ZNF804B: variants seen among roughly 807,000 people sequenced by gnomAD.
ZNF804B encodes zinc finger 804B.
ZNF804B carries 80 observed loss-of-function variants against 101.4 expected under a neutral mutation model. The observed-to-expected ratio is 0.79, with a 90% CI of 0.66 to 0.95. The LOEUF is 0.95. Among genes scored for constraint, ZNF804B ranks in the 40% least tolerant of loss-of-function variants. The pLI is 0.00. For synonymous variants in ZNF804B, 622 were observed against 558.8 expected (o/e 1.11, Z -1.59); for missense variants, 1,673 against 1,561.9 (o/e 1.07, Z -1.20).
intron 1 of ZNF804B, among the ~76,000 whole-genome samples, chr7:88,782,098 A>AGTGTGTGTGT (rs879516206): frequency 1.5e-5 from 2 of 132,104 alleles, no homozygotes; most frequent in Admixed American, 1.6e-4. Context: ...CTTTTGTGTG[A>AGTGTGTGTGT]GTGCGTGTGT....
intron 2 of ZNF804B, among the ~76,000 whole-genome samples, chr7:89,297,547 C>T (rs1258503204): frequency 6.6e-6 from 1 of 151,848 alleles, no homozygotes. Flanking sequence ...AGAGTTGAGG[C>T]CCAAATTAAA....
At chr7:89,038,353 A>G (rs911434936) in intron 1 of ZNF804B, among the ~76,000 whole-genome samples, 3 of 152,190 alleles carry the variant, frequency 2.0e-5, no homozygotes, top group Admixed American at 1.3e-4. Context: ...GATAAAAAAC[A>G]TCAAAACGAG....
At chr7:89,188,507 G>C (rs1788407945) in intron 1 of ZNF804B, among the ~76,000 whole-genome samples, 1 of 152,070 alleles carries the variant, frequency 6.6e-6, no homozygotes, top group South Asian at 2.1e-4. Context: ...CAAAGCAAAA[G>C]CTAGAAATTA....
At chr7:88,936,304 T>A (rs920282727) in intron 1 of ZNF804B, among the ~76,000 whole-genome samples, 3 of 152,068 alleles carry the variant, frequency 2.0e-5, no homozygotes, top group African/African-American at 7.2e-5. Context: ...GGGAAGTTTA[T>A]GTAGAGGAAC....
At chr7:88,835,927 T>C (rs1791209798) in intron 1 of ZNF804B, among the ~76,000 whole-genome samples, 1 of 151,958 alleles carries the variant, frequency 6.6e-6, no homozygotes, top group Non-Finnish European at 1.5e-5. Flanking sequence ...AGCTAGTCTA[T>C]GGGAAAGAGT....
intron 2 of ZNF804B, among the ~76,000 whole-genome samples, chr7:89,294,881 T>C (rs1790356401): frequency 1.3e-5 from 2 of 152,160 alleles, no homozygotes; most frequent in South Asian, 4.1e-4. Flanking sequence ...TCATTACTTA[T>C]TTTGGTTTTT....
chr7:88,843,887 G>A lies in ZNF804B; in HGVS notation c.108+83803G>A, dbSNP rs755312614. On this transcript the variant is annotated intron_variant, in intron 1 of 3. Transcript: ENST00000333190. ...AAGATCCCTATTGATGCCGTTCATC[G>A]ATCTAGAAAAAAATAAACTCTTTTA... Among the ~76,000 whole-genome samples, 7 of 151,754 alleles carry A rather than the reference G, an allele frequency of 4.6e-5. No individual in the cohort carries two copies. The East Asian group carries it at 7.7e-4, about 17-fold the overall frequency.
intron 1 of ZNF804B, among the ~76,000 whole-genome samples, chr7:89,087,340 A>T (rs1789819982): frequency 2.7e-5 from 2 of 75,220 alleles, no homozygotes; most frequent in African/African-American, 1.2e-4. Context: ...TCTGATTATA[A>T]AAAAAAAGGG....
chr7:88,991,013 G>T (rs1793836888), intron 1 of ZNF804B, among the ~76,000 whole-genome samples: 1 of 152,092 alleles, frequency 6.6e-6, no homozygotes, highest in South Asian at 2.1e-4. Context: ...TTTTGCATCA[G>T]TATCACCAGT....
chr7:89,299,825 C>T (rs1014065105), intron 2 of ZNF804B, among the ~76,000 whole-genome samples: 1 of 151,904 alleles, frequency 6.6e-6, no homozygotes, highest in Non-Finnish European at 1.5e-5. Flanking sequence ...TATATTAGGA[C>T]CTTCTTATTC....
chr7:88,817,369 TTAAAGTA>T (rs1790900524), intron 1 of ZNF804B, among the ~76,000 whole-genome samples: 1 of 152,022 alleles, frequency 6.6e-6, no homozygotes, highest in African/African-American at 2.4e-5. Flanking sequence ...ACGCTAGAAC[TTAAAGTA>T]TAATAAAAAA....
intron 1 of ZNF804B, among the ~76,000 whole-genome samples, chr7:88,889,746 A>T (rs552672320): frequency 1.3e-5 from 2 of 152,234 alleles, no homozygotes; most frequent in South Asian, 2.1e-4. Context: ...CTCAGTTGAT[A>T]GTTTCTTTTG....
intron 2 of ZNF804B, among the ~76,000 whole-genome samples, chr7:89,256,845 C>A (rs1288009705): frequency 6.6e-6 from 1 of 152,114 alleles, no homozygotes; most frequent in South Asian, 2.1e-4. Context: ...CAACAGAGGC[C>A]TTTATGGCAC....
At chr7:88,810,237 A>T (rs117735853) in intron 1 of ZNF804B, among the ~76,000 whole-genome samples, 1 of 151,926 alleles carries the variant, frequency 6.6e-6, no homozygotes, top group Non-Finnish European at 1.5e-5. Context: ...TATTATAATT[A>T]TGGTTTTCTA....
chr7:88,986,998 G>C (rs1391246839), intron 1 of ZNF804B, among the ~76,000 whole-genome samples: 1 of 152,074 alleles, frequency 6.6e-6, no homozygotes, highest in South Asian at 2.1e-4. Flanking sequence ...TTCTTTCTTT[G>C]GAGCCTGTTA....
At chr7:89,204,644 T>C (rs889098108) in intron 1 of ZNF804B, among the ~76,000 whole-genome samples, 6 of 152,132 alleles carry the variant, frequency 3.9e-5, no homozygotes, top group African/African-American at 9.7e-5. Flanking sequence ...GTAAGTCTCA[T>C]GTTTGTTATT....
chr7:89,280,247 A>G (rs368199119), intron 2 of ZNF804B, among the ~76,000 whole-genome samples: 1 of 151,922 alleles, frequency 6.6e-6, no homozygotes, highest in Non-Finnish European at 1.5e-5. Flanking sequence ...TCTCTGGGAC[A>G]CATTCAAAGC....
rs571916571 is a variant in ZNF804B at position 88,869,569 on chromosome 7, T to C, written c.108+109485T>C. Among the ~76,000 whole-genome samples the C allele has an allele frequency of 2.6e-5, 4 of 152,318 alleles. No individual in the cohort carries two copies. In the South Asian group the frequency reaches 8.3e-4, roughly 32 times the overall value. On this transcript the variant is annotated intron_variant, in intron 1 of 3. Coordinates refer to ENST00000333190, the MANE Select transcript of ZNF804B (RefSeq NM_181646.5). ...CAATATTTATTATTTTATTACCTAA[T>C]CATAAGCTAAAACAAATATCTTTTA...
chr7:88,935,160 G>A (rs1400096166), intron 1 of ZNF804B, among the ~76,000 whole-genome samples: 1 of 151,470 alleles, frequency 6.6e-6, no homozygotes, highest in African/African-American at 2.4e-5. Context: ...CATTATTCTA[G>A]GTGGAGTAAT....
Sources: gnomAD v4.1 joint callset for allele counts (sites outside exome capture counted in the v4.1 genomes callset) on GRCh38, gnomAD v4.1.1 for gene constraint, MANE v1.5 for transcripts, NCBI Gene and HGNC (gene_info 2026-07-23, HGNC 2026-07-21) for gene names.